The following DNAH12 variants were observed in gnomAD, a reference collection of about 807,000 sequenced individuals.
DNAH12 encodes the protein dynein axonemal heavy chain 12.
A neutral mutation model predicts 371.5 loss-of-function variants in DNAH12; 285 were observed. That is an observed-to-expected ratio of 0.77 (90% CI 0.70 to 0.85). The LOEUF (loss-of-function observed/expected upper bound fraction) is 0.85, where lower values mean the gene tolerates loss of function less well. Among genes scored for constraint, DNAH12 ranks in the 40% least tolerant of loss-of-function variants. The probability of loss-of-function intolerance (pLI) is 0.00; values close to 1 mark genes in which losing one functional copy is unlikely to be tolerated. For missense variants in DNAH12, 3,611 were observed against 3,689.4 expected (o/e 0.98, Z 0.55); for synonymous variants, 1,200 against 1,213.0 (o/e 0.99, Z 0.22).
chr3:57,468,610 A>C, intron 17 of DNAH12, 126 bp downstream of exon 17: 1 of 580,558 alleles, frequency 1.7e-6, no homozygotes, highest in Non-Finnish European at 2.5e-6. Context: ...CTGTCTCAAA[A>C]ATTATTAATA....
chr3:57,427,138 A>ATGTGTG (rs71088070), intron 34 of DNAH12, among the ~76,000 whole-genome samples: 7,113 of 138,806 alleles, frequency 0.051, 256 homozygotes, highest in Non-Finnish European at 0.066. Context: ...TAAGAAGCGA[A>ATGTGTG]TGTGTGTGTG....
chr3:57,387,938 A>AT (rs1264823162), intron 45 of DNAH12, among the ~76,000 whole-genome samples: 154 of 151,600 alleles, frequency 1.0e-3, no homozygotes, highest in Non-Finnish European at 1.8e-3. Context: ...TTACCTTTAG[A>AT]TTTTTTTTTC....
chr3:57,453,940 C>G (rs1044963113), intron 23 of DNAH12, among the ~76,000 whole-genome samples: 16 of 152,022 alleles, frequency 1.1e-4, no homozygotes, highest in Admixed American at 2.0e-4. Flanking sequence ...AGACCCCTGT[C>G]TCTATAAAAA....
intron 8 of DNAH12, 63 bp downstream of exon 8, chr3:57,507,580 C>T: frequency 8.5e-7 from 1 of 1,180,036 alleles, no homozygotes; most frequent in Non-Finnish European, 1.1e-6. Flanking sequence ...ACGTAGAATT[C>T]TATTTAAAAT....
At chr3:57,450,249 T>TAAAAAA (rs1559675073) in intron 25 of DNAH12, among the ~76,000 whole-genome samples, 1 of 15,984 alleles carries the variant, frequency 6.3e-5, no homozygotes, top group African/African-American at 2.5e-4. Flanking sequence ...CTGTCTCAAT[T>TAAAAAA]TAAAAAAAAA....
chr3:57,307,027 A>T (rs1160688447), intron 69 of DNAH12, among the ~76,000 whole-genome samples: 1 of 152,036 alleles, frequency 6.6e-6, no homozygotes, highest in Non-Finnish European at 1.5e-5. Flanking sequence ...TCAGCAAACT[A>T]CCTGGGCTGT....
At chr3:57,472,463 T>C in intron 14 of DNAH12, 83 bp downstream of exon 14, 1 of 1,474,880 alleles carries the variant, frequency 6.8e-7, no homozygotes. Flanking sequence ...TAAAGTTAGA[T>C]GGCCAGGAGA....
rs559365197 is a variant in DNAH12, at chr3:57,418,470, G to T, written c.5714+897C>A. 1.1e-3 allele frequency among the ~76,000 whole-genome samples: 164 copies of T among 147,628 alleles called. 1 individual carries two copies. Among genetic ancestry groups the T allele is most frequent in the African/African-American group, 4.0e-3 (159 of 40,110 alleles). ...TGGGAGGATCGCTAGAGCCTGGGAA[G>T]TCAAGACTGCAGTGAGCCGTGATCG... is the stretch of plus-strand genomic sequence containing the variant. On this transcript the variant is annotated intron_variant, in intron 37 of 73. Transcript: ENST00000495027.
intron 29 of DNAH12, among the ~76,000 whole-genome samples, chr3:57,443,380 G>C (rs2065371317): frequency 6.6e-6 from 1 of 152,126 alleles, no homozygotes; most frequent in South Asian, 2.1e-4. Flanking sequence ...AAAGTGCTGG[G>C]ATTATAGGTG....
At position 57,421,682 on chromosome 3, in the gene DNAH12, A is replaced by G; in HGVS notation, c.5398T>C (p.Trp1800Arg). Reference protein sequence around the residue: ...IMACFIFSLIWSIGGSCDTDG... With the variant: ...IMACFIFSLIRSIGGSCDTDG... Reference sequence around the variant, plus strand: ...GTATCACAACTTCCTCCAATCGACCAAATCAAAGAGAATATAAAGCAAGCC... The same window carrying G: ...GTATCACAACTTCCTCCAATCGACCGAATCAAAGAGAATATAAAGCAAGCC... Residue 1800 changes from tryptophan to arginine, a missense_variant, in exon 36 of 74, where the codon TGG becomes CGG. Coordinates refer to ENST00000495027, the MANE Select transcript of DNAH12 (RefSeq NM_001366028.2). The G allele has an allele frequency of 6.4e-7, 1 of 1,551,656 alleles. No homozygotes were observed. The highest frequency in any genetic ancestry group is 8.7e-7 in the Non-Finnish European group (1 of 1,146,972).
intron 56 of DNAH12, among the ~76,000 whole-genome samples, chr3:57,367,824 A>C (rs1035979927): frequency 6.6e-6 from 1 of 152,342 alleles, no homozygotes; most frequent in South Asian, 2.1e-4. Context: ...TCTAGATAAC[A>C]GTGGTTAAGG....
chr3:57,348,792 C>T (rs1403881152), intron 60 of DNAH12, among the ~76,000 whole-genome samples: 1 of 152,174 alleles, frequency 6.6e-6, no homozygotes, highest in African/African-American at 2.4e-5. Context: ...TAATTTTCCA[C>T]AAACTGATTT....
chr3:57,405,118 C>T lies in DNAH12; in HGVS notation c.6606G>A (p.Met2202Ile). 3 of 1,537,574 alleles carry T rather than the reference C, an allele frequency of 2.0e-6. No homozygotes were observed. Among genetic ancestry groups the T allele is most frequent in the Non-Finnish European group, 8.7e-7 (1 of 1,143,172 alleles). Residue 2202 changes from methionine to isoleucine, a missense_variant, in exon 42 of 74, where the codon ATG becomes ATA. Around this residue, in one of 3 missense-constraint regions of DNAH12, gnomAD observed 2,266 missense variants for 2,236.9 expected, o/e 1.01. Transcript: ENST00000495027. ...PVTEEDLRNL[M>I]FGDYMNPDLE... is the part of the protein sequence containing the mutation. ...GGTCAGGATTCATATAATCACCAAA[C>T]ATGAGATTTCTTAAGTCTTCTTCAG...
chr3:57,380,689 T>C (rs1015330973), intron 50 of DNAH12, among the ~76,000 whole-genome samples: 50 of 152,158 alleles, frequency 3.3e-4, no homozygotes, highest in Non-Finnish European at 5.7e-4. Flanking sequence ...GGTCTCCAAC[T>C]CCTGACCTCA....
chr3:57,313,817 A>C (rs2061630553), intron 66 of DNAH12, among the ~76,000 whole-genome samples: 1 of 152,172 alleles, frequency 6.6e-6, no homozygotes, highest in Non-Finnish European at 1.5e-5. Flanking sequence ...AAAAAAAATT[A>C]GTAACAGCAA....
At chr3:57,332,234 G>T (rs369984756) in intron 62 of DNAH12, among the ~76,000 whole-genome samples, 2 of 152,134 alleles carry the variant, frequency 1.3e-5, no homozygotes, top group Non-Finnish European at 2.9e-5. Flanking sequence ...GTAATACTAT[G>T]ATCACCTTTC....
chr3:57,438,671 G>T lies in DNAH12; in HGVS notation c.4546-1611C>A, dbSNP rs1301949087. Among the ~76,000 whole-genome samples the T allele has an allele frequency of 2.0e-5, 3 of 152,008 alleles. No homozygotes were observed. In the East Asian group the frequency reaches 5.8e-4, roughly 29 times the overall value. On this transcript the variant is annotated intron_variant, in intron 29 of 73. Transcript: ENST00000495027. ...GAAAGTTATATCAAGAATGCAATCC[G>T]GCCGGGCGCGGTGGCCCACGTCTGT... is the stretch of plus-strand genomic sequence containing the variant.
At chr3:57,301,263 C>A (rs1456774603) in intron 70 of DNAH12, among the ~76,000 whole-genome samples, 4 of 73,264 alleles carry the variant, frequency 5.5e-5, no homozygotes, top group Admixed American at 2.2e-4. Flanking sequence ...AAGACCCTGT[C>A]TCAAAAAAAA....
At chr3:57,415,835 C>G (rs1190995857) in intron 37 of DNAH12, among the ~76,000 whole-genome samples, 1 of 142,758 alleles carries the variant, frequency 7.0e-6, no homozygotes, top group Non-Finnish European at 1.5e-5. Context: ...GTTCCCCAGG[C>G]TGGAGGGCAG....
Sources: gnomAD v4.1 joint callset for allele counts (sites outside exome capture counted in the v4.1 genomes callset) on GRCh38, gnomAD v4.1.1 for gene constraint, gnomAD v4.1.1 regional missense constraint, MANE v1.5 for transcripts, NCBI Gene and HGNC (gene_info 2026-07-23, HGNC 2026-07-21) for gene names.